APTX: variants seen among roughly 807,000 people sequenced by gnomAD.
The protein encoded by APTX is aprataxin, also known as forkhead-associated domain histidine triad-like protein.
APTX carries 33 observed loss-of-function variants against 42.3 expected under a neutral mutation model. That is an observed-to-expected ratio of 0.78 (90% confidence interval 0.59 to 1.04). The LOEUF (loss-of-function observed/expected upper bound fraction) is 1.04. Ranked by LOEUF, APTX falls within the 50% of genes least tolerant of loss-of-function variation. The pLI, the probability that APTX is intolerant of heterozygous loss-of-function variation, is 0.00. For missense variants in APTX, 421 were observed against 415.1 expected, an observed-to-expected ratio of 1.01 and a Z score of -0.12; for synonymous variants, 130 against 146.7, an observed-to-expected ratio of 0.89 and a Z score of 0.82.
At position 32,984,817 on chromosome 9, in the gene APTX, T is replaced by C; in HGVS notation, c.584A>G (p.Tyr195Cys). ...DEQVVVIKDK[Y>C]PKARYHWLVL... ...CAGCCAATGGTAACGGGCCTTTGGGTATTTATCCTTTATCACCACCACCTG... is the reference window on the plus strand; with the variant it reads ...CAGCCAATGGTAACGGGCCTTTGGGCATTTATCCTTTATCACCACCACCTG... Residue 195 changes from tyrosine (Y) to cysteine (C), a missense_variant, in exon 6 of 8, where the codon TAC becomes TGC. Physicochemically the swap from Tyr to Cys is radical, Grantham distance 194. Coordinates refer to ENST00000379817, the MANE Select transcript of APTX (RefSeq NM_001195248.2). 6.2e-7 allele frequency: 1 copy of C among 1,614,132 alleles called. No individual in the cohort carries two copies. Among genetic ancestry groups the C allele is most frequent in the African/African-American group, 1.3e-5 (1 of 75,000 alleles).
chr9:32,979,221 C>G (rs1462946965), intron 6 of APTX, among the ~76,000 whole-genome samples: 1 of 152,114 alleles, frequency 6.6e-6, no homozygotes, highest in Non-Finnish European at 1.5e-5. Context: ...GCCCTAGTGT[C>G]TGTCATTCCC....
At chr9:32,988,689 A>AGG (rs1563970085) in intron 2 of APTX, among the ~76,000 whole-genome samples, 4 of 68,208 alleles carry the variant, frequency 5.9e-5, no homozygotes, top group East Asian at 5.9e-4. Context: ...TCAGGAGGAA[A>AGG]AAAAAAAAAA....
chr9:33,024,251 A>C (rs1040035170), intron 1 of APTX, among the ~76,000 whole-genome samples: 7 of 152,166 alleles, frequency 4.6e-5, no homozygotes, highest in South Asian at 2.1e-4. Flanking sequence ...GAGCTCACGC[A>C]ATCAGCCCAC....
At chr9:33,017,913 G>T (rs938595183) in intron 1 of APTX, among the ~76,000 whole-genome samples, 8 of 144,832 alleles carry the variant, frequency 5.5e-5, no homozygotes, top group Non-Finnish European at 1.2e-4. Flanking sequence ...TTGGTTAGTT[G>T]CCCTAGCAAC....
chr9:33,010,982 A>T lies in APTX; in HGVS notation c.-5+14041T>A, dbSNP rs535795032. Among the ~76,000 whole-genome samples the T allele has an allele frequency of 2.2e-4, 33 of 152,166 alleles. No individual in the cohort carries two copies. The South Asian group carries it at 6.6e-3, about 31-fold the overall frequency. On this transcript the variant is annotated intron_variant, in intron 1 of 6. Transcript: ENST00000436040. ...CATAGTGAAACCCCATCTTTACTAA[A>T]AAGTACAAAAATTAACAGAGCGTGG...
At chr9:33,023,834 A>T (rs1254763653) in intron 1 of APTX, among the ~76,000 whole-genome samples, 1 of 152,278 alleles carries the variant, frequency 6.6e-6, no homozygotes. Context: ...CGTAGCATAT[A>T]TACCAACAGA....
At chr9:32,987,154 G>A (rs370089844) in intron 4 of APTX, among the ~76,000 whole-genome samples, 21 of 152,304 alleles carry the variant, frequency 1.4e-4, no homozygotes, top group African/African-American at 4.3e-4. Context: ...AAATGAAGGC[G>A]AGAAATGCCA....
chr9:33,012,608 G>A (rs548062753), intron 1 of APTX, among the ~76,000 whole-genome samples: 15 of 152,124 alleles, frequency 9.9e-5, no homozygotes, highest in Non-Finnish European at 1.9e-4. Flanking sequence ...TCCCAGCAGA[G>A]CTCCCAGCCA....
chr9:33,024,551 G>C (rs78607021), intron 1 of APTX, among the ~76,000 whole-genome samples: 1 of 152,130 alleles, frequency 6.6e-6, no homozygotes, highest in Admixed American at 6.5e-5. Flanking sequence ...GTGAAAACCT[G>C]ACCAGAGGAG....
chr9:33,010,340 G>GCATT (rs1837452859), intron 1 of APTX, among the ~76,000 whole-genome samples: 2 of 152,126 alleles, frequency 1.3e-5, no homozygotes, highest in Admixed American at 6.6e-5. Context: ...ATTGGCTGGC[G>GCATT]CATTCATTCA....
chr9:33,015,451 C>T (rs995908640), intron 1 of APTX, among the ~76,000 whole-genome samples: 2 of 152,128 alleles, frequency 1.3e-5, no homozygotes, highest in Non-Finnish European at 1.5e-5. Flanking sequence ...CTCCACCTCC[C>T]GGGTTCAAGT....
chr9:32,990,708 C>T (rs940283041), intron 1 of APTX, among the ~76,000 whole-genome samples: 7 of 152,140 alleles, frequency 4.6e-5, no homozygotes, highest in African/African-American at 1.7e-4. Flanking sequence ...TTTTAAAAGG[C>T]TTCACGAGGA....
chr9:33,013,940 G>A (rs998596561), intron 1 of APTX, among the ~76,000 whole-genome samples: 1 of 152,168 alleles, frequency 6.6e-6, no homozygotes, highest in African/African-American at 2.4e-5. Context: ...CTCACCCCTA[G>A]GGCTGTAAAT....
chr9:33,010,804 T>C (rs987495493), intron 1 of APTX, among the ~76,000 whole-genome samples: 23 of 151,218 alleles, frequency 1.5e-4, no homozygotes, highest in African/African-American at 4.1e-4. Context: ...ATACAGGTCA[T>C]GTGAGGATAA....
At chr9:33,016,651 A>G (rs1350249379) in intron 1 of APTX, among the ~76,000 whole-genome samples, 1 of 151,908 alleles carries the variant, frequency 6.6e-6, no homozygotes, top group African/African-American at 2.4e-5. Flanking sequence ...TAGAGTGACT[A>G]AATAGAATGC....
chr9:32,987,543 C>A lies in APTX; in HGVS notation c.483+1G>T. ...TCATCTACCAATCACACTACCCTCA[C>A]CTTTTTGATAGGTGCATCTTTTCCC... On this transcript the variant is annotated splice_donor_variant, in intron 4 of 7. Coordinates refer to ENST00000379817, the MANE Select transcript of APTX (RefSeq NM_001195248.2). LOFTEE classifies it high-confidence loss of function. The A allele has an allele frequency of 6.2e-7, 1 of 1,613,674 alleles. No individual in the cohort carries two copies. The highest frequency in any genetic ancestry group is 1.1e-5 in the South Asian group (1 of 91,092).
Position 32,996,762 on chromosome 9 carries a change from A to T in APTX, c.-5+4805T>A, listed in dbSNP as rs939386302. Among the ~76,000 whole-genome samples the T allele has an allele frequency of 2.6e-4, 39 of 152,204 alleles. 1 individual carries two copies. Among genetic ancestry groups the T allele is most frequent in the Non-Finnish European group, 2.9e-5 (2 of 68,034 alleles). ...AATGTGGATGTAATTCTACTTTCCA[A>T]ACAAGATTATAATCTCCCTGCTAAC... is the stretch of plus-strand genomic sequence containing the variant. On this transcript the variant is annotated intron_variant, in intron 1 of 7. Coordinates refer to ENST00000379817, the MANE Select transcript of APTX (RefSeq NM_001195248.2).
chr9:33,020,743 T>G (rs1437371177), intron 1 of APTX, among the ~76,000 whole-genome samples: 2 of 152,208 alleles, frequency 1.3e-5, no homozygotes, highest in East Asian at 3.8e-4. Context: ...AAATTCAAAC[T>G]TTTTAGCATA....
intron 1 of APTX, chr9:33,019,935 C>G: frequency 2.0e-6 from 1 of 493,384 alleles, no homozygotes; most frequent in East Asian, 3.3e-5. Flanking sequence ...GGGAAAGGCA[C>G]GCTGAGGGTG....
Sources: gnomAD v4.1 joint callset for allele counts (sites outside exome capture counted in the v4.1 genomes callset) on GRCh38, gnomAD v4.1.1 for gene constraint, MANE v1.5 for transcripts, NCBI Gene and HGNC (gene_info 2026-07-23, HGNC 2026-07-21) for gene names.